FBXL7: variants seen among roughly 807,000 people sequenced by gnomAD.
FBXL7 encodes F-box and leucine rich repeat protein 7.
In FBXL7, 12 loss-of-function variants were observed where a neutral mutation model predicts 38.3. The ratio of observed to expected loss-of-function variants is 0.31; its 90% confidence interval spans 0.20 to 0.51. The LOEUF (loss-of-function observed/expected upper bound fraction) is 0.51. Among genes scored for constraint, FBXL7 ranks in the 20% least tolerant of loss-of-function variants. FBXL7 has a pLI of 0.98. For missense variants in FBXL7, 567 were observed against 676.4 expected (o/e 0.84, Z 1.79); for synonymous variants, 297 against 300.9 (o/e 0.99, Z 0.13).
intron 2 of FBXL7, among the ~76,000 whole-genome samples, chr5:15,716,860 ATTATTT>A (rs2126648116): frequency 6.6e-6 from 1 of 152,300 alleles, no homozygotes; most frequent in East Asian, 1.9e-4. Context: ...GAATGGAATC[ATTATTT>A]TTATTTTACA....
intron 1 of FBXL7, among the ~76,000 whole-genome samples, chr5:15,588,638 T>C (rs546156875): frequency 9.2e-4 from 140 of 152,216 alleles, no homozygotes; most frequent in Non-Finnish European, 1.9e-3. Context: ...CTGCCCACCT[T>C]GGCTTCCCAA....
chr5:15,904,234 G>A (rs1018925705), intron 2 of FBXL7, among the ~76,000 whole-genome samples: 3 of 152,046 alleles, frequency 2.0e-5, no homozygotes, highest in Non-Finnish European at 2.9e-5. Flanking sequence ...GTTCCTACTC[G>A]GTTATCTGTT....
intron 2 of FBXL7, among the ~76,000 whole-genome samples, chr5:15,725,050 T>G (rs1015779981): frequency 3.9e-5 from 6 of 152,218 alleles, no homozygotes; most frequent in African/African-American, 1.4e-4. Flanking sequence ...ATTCATATAC[T>G]TGTGACATTA....
At chr5:15,814,673 C>G (rs1249584823) in intron 2 of FBXL7, among the ~76,000 whole-genome samples, 1 of 151,754 alleles carries the variant, frequency 6.6e-6, no homozygotes, top group African/African-American at 2.4e-5. Context: ...AAAAATGTTC[C>G]ATGATCAGAT....
intron 2 of FBXL7, among the ~76,000 whole-genome samples, chr5:15,849,634 T>C (rs933549153): frequency 1.3e-5 from 2 of 152,238 alleles, no homozygotes; most frequent in African/African-American, 2.4e-5. Flanking sequence ...TGTGGAACTG[T>C]GAGTCCACTA....
chr5:15,915,100 T>C (rs1235114694), intron 2 of FBXL7, among the ~76,000 whole-genome samples: 1 of 152,212 alleles, frequency 6.6e-6, no homozygotes. Flanking sequence ...AACATGAGCA[T>C]GTGCTCTGCA....
chr5:15,930,303 GT>G (rs1313725458), intron 3 of FBXL7, among the ~76,000 whole-genome samples: 5 of 152,180 alleles, frequency 3.3e-5, no homozygotes, highest in African/African-American at 1.2e-4. Context: ...TTCTAGATGT[GT>G]TTCCTCTTCA....
chr5:15,712,209 C>T (rs1035805168), intron 2 of FBXL7, among the ~76,000 whole-genome samples: 7 of 152,074 alleles, frequency 4.6e-5, no homozygotes, highest in African/African-American at 1.7e-4. Context: ...AATGCACTTT[C>T]CTGTAGTCAA....
intron 2 of FBXL7, among the ~76,000 whole-genome samples, chr5:15,683,636 C>T (rs983254644): frequency 1.3e-5 from 2 of 152,162 alleles, no homozygotes; most frequent in Non-Finnish European, 2.9e-5. Context: ...AAAAAGGCAG[C>T]CACAGCAATG....
intron 1 of FBXL7, among the ~76,000 whole-genome samples, chr5:15,565,485 A>G (rs1208188025): frequency 6.6e-6 from 1 of 151,334 alleles, no homozygotes; most frequent in Admixed American, 6.6e-5. Context: ...AAAATAATAT[A>G]TAATAAAACT....
chr5:15,886,773 G>C (rs547453165), intron 2 of FBXL7, among the ~76,000 whole-genome samples: 1 of 152,324 alleles, frequency 6.6e-6, no homozygotes, highest in East Asian at 1.9e-4. Flanking sequence ...TTTGGAAGCT[G>C]CATATGTGTT....
At chr5:15,728,720 T>C (rs1735490074) in intron 2 of FBXL7, among the ~76,000 whole-genome samples, 1 of 152,176 alleles carries the variant, frequency 6.6e-6, no homozygotes, top group Admixed American at 6.5e-5. Flanking sequence ...GTATATTTTC[T>C]AATTTTCAAA....
chr5:15,934,333 A>G (rs1742120681), intron 3 of FBXL7, among the ~76,000 whole-genome samples: 1 of 152,216 alleles, frequency 6.6e-6, no homozygotes, highest in African/African-American at 2.4e-5. Flanking sequence ...TGCAAAAATT[A>G]CAGTTACTTT....
rs537877758 is a variant in FBXL7 at position 15,851,469 on chromosome 5, A to G, written c.128-76421A>G. 6.6e-5 allele frequency among the ~76,000 whole-genome samples: 10 copies of G among 152,208 alleles called. 1 individual carries two copies. The South Asian group carries it at 1.9e-3, about 28-fold the overall frequency. On this transcript the variant is annotated intron_variant, in intron 2 of 3. Coordinates refer to ENST00000504595, the MANE Select transcript of FBXL7 (RefSeq NM_012304.5). Reference sequence around the variant, plus strand: ...GAACTCATTTTATCAGCAACCAGAAATGTACTTAAATTAATGAAATAATGG... The same window carrying G: ...GAACTCATTTTATCAGCAACCAGAAGTGTACTTAAATTAATGAAATAATGG...
intron 1 of FBXL7, among the ~76,000 whole-genome samples, chr5:15,562,940 A>G (rs557077206): frequency 1.3e-5 from 2 of 152,280 alleles, no homozygotes; most frequent in African/African-American, 4.8e-5. Context: ...AGAAAGGAAG[A>G]GTGAAAAGGG....
intron 2 of FBXL7, among the ~76,000 whole-genome samples, chr5:15,842,653 G>C (rs1354125776): frequency 1.3e-5 from 2 of 152,128 alleles, no homozygotes; most frequent in African/African-American, 4.8e-5. Flanking sequence ...GGGCCAGGTG[G>C]AGATAATAGA....
At position 15,593,575 on chromosome 5, in the gene FBXL7, A is replaced by G. The variant is rs540577717; in HGVS notation, c.38-22408A>G. Among the ~76,000 whole-genome samples, 102 of 152,232 alleles carry G rather than the reference A, an allele frequency of 6.7e-4. 1 individual carries two copies. In the South Asian group the frequency reaches 0.021, roughly 31 times the overall value. ...TTTCTCTGCTTGGTGTGGAATTCTC[A>G]TTAAGTTTGCTGGTGCAAAGATTTA... On this transcript the variant is annotated intron_variant, in intron 1 of 3. Coordinates refer to ENST00000504595, the MANE Select transcript of FBXL7 (RefSeq NM_012304.5).
Position 15,555,974 on chromosome 5 carries a change from CATCTATCT to C in FBXL7, c.37+55297_37+55304del, listed in dbSNP as rs144598945. ...TGTCATCTATCTGTCATCTGTCTAT[CATCTATCT>C]ATCTATCTATCTATCTATCTATCTA... On this transcript the variant is annotated intron_variant, in intron 1 of 3. Coordinates refer to ENST00000504595, the MANE Select transcript of FBXL7 (RefSeq NM_012304.5). Among the ~76,000 whole-genome samples, 744 of 140,992 alleles carry C rather than the reference CATCTATCT, an allele frequency of 5.3e-3. 4 individuals are homozygous for C. The highest frequency in any genetic ancestry group is 0.01 in the Admixed American group (148 of 14,254). 92.5% of individuals were successfully genotyped at this position (140,992 alleles called of 152,430 possible).
At chr5:15,798,746 GCTTCATCAGC>G (rs1226280070) in intron 2 of FBXL7, among the ~76,000 whole-genome samples, 2 of 152,174 alleles carry the variant, frequency 1.3e-5, no homozygotes, top group African/African-American at 4.8e-5. Flanking sequence ...CTGAACAAAT[GCTTCATCAGC>G]CTTCTCTCCC....
Sources: allele counts gnomAD v4.1 joint callset (sites outside exome capture counted in the v4.1 genomes callset), GRCh38; gene constraint gnomAD v4.1.1; transcripts MANE v1.5; gene names NCBI Gene and HGNC (gene_info 2026-07-23, HGNC 2026-07-21).